The following PSEN2 variants were observed in gnomAD, a reference collection of about 807,000 sequenced individuals.
The protein encoded by PSEN2 is presenilin-2.
In PSEN2, 32 loss-of-function variants were observed where a neutral mutation model predicts 49.1. The ratio of observed to expected loss-of-function variants is 0.65; its 90% confidence interval spans 0.49 to 0.88. PSEN2 has a LOEUF of 0.88. PSEN2 is among the 40% of genes least tolerant of loss of function. The pLI is 0.00. For missense variants in PSEN2, 522 were observed against 586.9 expected, an observed-to-expected ratio of 0.89 and a Z score of 1.14; for synonymous variants, 255 against 244.0, an observed-to-expected ratio of 1.05 and a Z score of -0.42.
chr1:226,900,809 C>T (rs556376514), downstream of PSEN2, among the ~76,000 whole-genome samples: 6 of 152,224 alleles, frequency 3.9e-5, no homozygotes, highest in Admixed American at 6.5e-5. Context: ...GGAAGGACCT[C>T]GAGACAGTGG....
chr1:226,894,492 C>G (rs1043142252), intron 12 of PSEN2, among the ~76,000 whole-genome samples: 10 of 152,228 alleles, frequency 6.6e-5, no homozygotes, highest in Admixed American at 2.6e-4. Context: ...GCTTAAGGGC[C>G]TTGCCCATGG....
At chr1:226,894,302 G>A (rs994022397) in intron 12 of PSEN2, among the ~76,000 whole-genome samples, 177 bp downstream of exon 12, 5 of 152,222 alleles carry the variant, frequency 3.3e-5, no homozygotes, top group African/African-American at 1.2e-4. Context: ...CACAGGAGGT[G>A]TGCTCGCCCC....
At chr1:226,898,386 G>A (rs1221338858), downstream of PSEN2, 1 of 152,208 alleles carries the variant, frequency 6.6e-6, no homozygotes, top group Admixed American at 6.5e-5. Flanking sequence ...ATCACATTGT[G>A]TGGATTTGAG....
At position 226,883,741 on chromosome 1, in the gene PSEN2, C is replaced by T. The variant is rs2102672203; in HGVS notation, c.178C>T (p.Pro60Ser). 3 of 1,614,132 alleles carry T rather than the reference C, an allele frequency of 1.9e-6. No homozygotes were observed. Among genetic ancestry groups the T allele is most frequent in the East Asian group, 2.2e-5 (1 of 44,882 alleles). Residue 60 changes from proline (P) to serine (S), a missense_variant, in exon 5 of 13, where the codon CCT becomes TCT. Pro to Ser is a moderately conservative substitution (Grantham distance 74). Transcript: ENST00000366783. The part of the protein sequence containing the change: ...QENEEDGEED[P>S]DRYVCSGVPG... Reference sequence around the variant, plus strand: ...GAACGAGGAGGACGGTGAGGAGGACCCTGACCGCTATGTCTGTAGTGGGGT... The same window carrying T: ...GAACGAGGAGGACGGTGAGGAGGACTCTGACCGCTATGTCTGTAGTGGGGT...
Position 226,881,999 on chromosome 1 carries a change from G to C in PSEN2, c.92G>C (p.Cys31Ser). 6.2e-7 allele frequency: 1 copy of C among 1,614,094 alleles called. No homozygotes were observed. The highest frequency in any genetic ancestry group is 8.5e-7 in the Non-Finnish European group (1 of 1,179,992). Reference protein sequence around the residue: ...MSAESPTPRSCQEGRQGPEDG... With the variant: ...MSAESPTPRSSQEGRQGPEDG... ...GCTGAGAGCCCCACGCCGCGCTCCT[G>C]CCAGGAGGGCAGGCAGGGCCCAGAG... is the stretch of plus-strand genomic sequence containing the variant. Residue 31 changes from cysteine to serine, a missense_variant, in exon 4 of 13, where the codon TGC (cysteine) becomes TCC (serine). Coordinates refer to ENST00000366783, the MANE Select transcript of PSEN2 (RefSeq NM_000447.3).
rs776842226 is a variant in PSEN2 at position 226,883,814 on chromosome 1, G to A, written c.251G>A (p.Gly84Glu). ...GAGGAAGAGCTGACCCTCAAATACG[G>A]AGCGAAGCACGTGATCATGCTGTTT... is the stretch of plus-strand genomic sequence containing the variant. ...GLEEELTLKY[G>E]AKHVIMLFVP... Residue 84 changes from glycine (G) to glutamate (E), a missense_variant, in exon 5 of 13, where the codon GGA becomes GAA. Physicochemically the swap from Gly to Glu is moderately conservative, Grantham distance 98. Transcript: ENST00000366783. The A allele has an allele frequency of 6.2e-7, 1 of 1,614,190 alleles. No homozygotes were observed. Among genetic ancestry groups the A allele is most frequent in the Non-Finnish European group, 8.5e-7 (1 of 1,180,040 alleles).
At chr1:226,902,622 C>T (rs1266912266) in intron 12 of PSEN2, among the ~76,000 whole-genome samples, 1 of 152,138 alleles carries the variant, frequency 6.6e-6, no homozygotes, top group East Asian at 1.9e-4. Flanking sequence ...AGAAGTTTCC[C>T]ACCATTCCTG....
intron 1 of PSEN2, 194 bp from the exon 2 acceptor site, chr1:226,871,068 G>A (rs1289817642): frequency 1.3e-5 from 2 of 152,294 alleles, no homozygotes; most frequent in African/African-American, 4.8e-5. Flanking sequence ...AGCAGGCGGG[G>A]GCGTTTTGTT....
chr1:226,891,664 T>A, intron 10 of PSEN2, 79 bp from the exon 11 acceptor site: 7 of 1,308,080 alleles, frequency 5.4e-6, no homozygotes, highest in Non-Finnish European at 7.8e-6. Context: ...CTGGTAACAC[T>A]CTGACCAGCT....
At chr1:226,891,995 G>A in intron 11 of PSEN2, 151 bp downstream of exon 11, 1 of 700,628 alleles carries the variant, frequency 1.4e-6, no homozygotes, top group Non-Finnish European at 2.6e-6. Flanking sequence ...GAAGATGCCT[G>A]CAGCGCTGGG....
intron 4 of PSEN2, 105 bp downstream of exon 4, chr1:226,882,153 A>T: frequency 6.8e-7 from 1 of 1,480,192 alleles, no homozygotes; most frequent in South Asian, 1.2e-5. Context: ...GGGAGAAGGG[A>T]AGTAATGATG....
chr1:226,890,248 G>A (rs1439526537), intron 9 of PSEN2, 115 bp downstream of exon 9: 2 of 863,400 alleles, frequency 2.3e-6, no homozygotes, highest in East Asian at 2.4e-5. Flanking sequence ...TCCCAGGAGG[G>A]TCTCCACTTT....
intron 2 of PSEN2, among the ~76,000 whole-genome samples, chr1:226,872,734 A>G (rs1571931445): frequency 6.6e-6 from 1 of 152,322 alleles, no homozygotes; most frequent in East Asian, 1.9e-4. Flanking sequence ...TAAGACAGCA[A>G]ATATTTCTGC....
intron 3 of PSEN2, among the ~76,000 whole-genome samples, chr1:226,878,088 T>G (rs1263603334): frequency 6.7e-6 from 1 of 148,424 alleles, no homozygotes; most frequent in East Asian, 1.9e-4. Flanking sequence ...TTTTTCTTTC[T>G]TTTTTTTTTG....
intron 12 of PSEN2, among the ~76,000 whole-genome samples, chr1:226,894,561 G>C (rs1429431944): frequency 6.6e-6 from 1 of 152,230 alleles, no homozygotes; most frequent in Admixed American, 6.5e-5. Context: ...GACACCACAG[G>C]GTCTGAATCT....
intron 2 of PSEN2, among the ~76,000 whole-genome samples, chr1:226,871,741 G>A (rs993474979): frequency 8.5e-5 from 13 of 152,244 alleles, no homozygotes; most frequent in African/African-American, 3.1e-4. Context: ...AGCCTCCAAG[G>A]CCTTCAGCCA....
intron 2 of PSEN2, among the ~76,000 whole-genome samples, chr1:226,874,489 C>CG (rs1303652570): frequency 1.3e-5 from 2 of 152,128 alleles, no homozygotes; most frequent in Non-Finnish European, 2.9e-5. Flanking sequence ...AATATGTTTA[C>CG]GTGGCCATAG....
At chr1:226,895,344 G>C (rs1227715457) in intron 12 of PSEN2, 80 bp from the exon 13 acceptor site, 3 of 1,543,670 alleles carry the variant, frequency 1.9e-6, no homozygotes, top group East Asian at 4.6e-5. Context: ...AAGCTCCTGT[G>C]CCCAGGGACT....
At position 226,894,027 on chromosome 1, in the gene PSEN2, G is replaced by C; in HGVS notation, c.1093G>C (p.Gly365Arg). The C allele has an allele frequency of 6.2e-7, 1 of 1,613,984 alleles. No homozygotes were observed. Among genetic ancestry groups the C allele is most frequent in the Non-Finnish European group, 8.5e-7 (1 of 1,179,846 alleles). ...EEERGVKLGL[G>R]DFIFYSVLVG... ...CACAGGGGGCGTGAAGCTTGGCCTC[G>C]GGGACTTCATCTTCTACAGTGTGCT... The change falls in exon 12 of 13, where the codon GGG (glycine) becomes CGG (arginine). Residue 365 changes from glycine to arginine, a missense_variant. Gly to Arg is a moderately radical substitution (Grantham distance 125, BLOSUM62 -2). Transcript: ENST00000366783.
Sources: allele counts gnomAD v4.1 joint callset (sites outside exome capture counted in the v4.1 genomes callset), GRCh38; gene constraint gnomAD v4.1.1; transcripts MANE v1.5; gene names NCBI Gene and HGNC (gene_info 2026-07-23, HGNC 2026-07-21).